Variants in CFAP54 observed in about 807,000 individuals in gnomAD.
CFAP54 encodes the protein cilia and flagella associated protein 54.
CFAP54 carries 290 observed loss-of-function variants against 370.4 expected under a neutral mutation model. The observed-to-expected ratio is 0.78, with a 90% confidence interval of 0.71 to 0.86. The LOEUF is 0.86. Among genes scored for constraint, CFAP54 ranks in the 40% least tolerant of loss-of-function variants. The pLI is 0.00. For missense variants in CFAP54, 3,399 were observed against 3,528.7 expected (o/e 0.96, Z 0.93); for synonymous variants, 1,206 against 1,236.5 (o/e 0.98, Z 0.52).
chr12:96,668,224 C>T (rs1029228259), intron 39 of CFAP54, among the ~76,000 whole-genome samples: 1 of 152,214 alleles, frequency 6.6e-6, no homozygotes, highest in Non-Finnish European at 1.5e-5. Flanking sequence ...ACTGTTCCAA[C>T]CTCTGCCTGT....
At chr12:96,835,864 C>A (rs1959184570) in intron 66 of CFAP54, among the ~76,000 whole-genome samples, 2 of 152,178 alleles carry the variant, frequency 1.3e-5, no homozygotes, top group Non-Finnish European at 2.9e-5. Flanking sequence ...CTTCCTGCTG[C>A]AGCTGGTGTG....
intron 66 of CFAP54, among the ~76,000 whole-genome samples, chr12:96,838,301 G>GAA (rs200634400): frequency 6.9e-6 from 1 of 144,012 alleles, no homozygotes; most frequent in Non-Finnish European, 1.5e-5. Flanking sequence ...AGAGAAGTTA[G>GAA]AAAAAAAAAA....
At chr12:96,646,700 G>C (rs1956796642) in intron 33 of CFAP54, 1 of 152,180 alleles carries the variant, frequency 6.6e-6, no homozygotes, top group Non-Finnish European at 1.5e-5. Context: ...TTGGAACCAA[G>C]CCAAGTGTCC....
chr12:96,775,926 A>G (rs1755336453), intron 60 of CFAP54, among the ~76,000 whole-genome samples: 2 of 152,202 alleles, frequency 1.3e-5, no homozygotes, highest in African/African-American at 2.4e-5. Context: ...ATGCTTTTAC[A>G]TAGGGCATAG....
At chr12:96,674,305 A>C (rs1957178965) in intron 39 of CFAP54, among the ~76,000 whole-genome samples, 1 of 149,736 alleles carries the variant, frequency 6.7e-6, no homozygotes, top group Admixed American at 6.6e-5. Flanking sequence ...TTTCATTTCT[A>C]GAGTGGTACA....
intron 4 of CFAP54, among the ~76,000 whole-genome samples, chr12:96,510,318 T>C (rs1302787407): frequency 6.6e-6 from 1 of 151,914 alleles, no homozygotes; most frequent in Non-Finnish European, 1.5e-5. Context: ...TCATAAAGAT[T>C]CAGTCTGTGT....
In CFAP54 at chr12:96,742,440, T is replaced by C. The variant is rs7978894; in HGVS notation, c.7073T>C (p.Val2358Ala). 0.31 allele frequency: 486,343 copies of C among 1,548,950 alleles called. 80,961 individuals carry two copies. Among genetic ancestry groups the C allele is most frequent in the East Asian group, 0.6 (26,405 of 44,344 alleles). ...TENPVSPGTS[V>A]TENKDDSEFL... ...AACCATCATTTTAATATTGTTTAGG[T>C]CACTGAAAATAAAGATGACAGTGAG... is the stretch of plus-strand genomic sequence containing the variant. The change falls in exon 52 of 68, where the codon GTC becomes GCC. Residue 2358 changes from valine (V) to alanine (A), a missense_variant and splice_region_variant. By Grantham distance (64) the Val-to-Ala change is moderately conservative. Around this residue, in one of 3 missense-constraint regions of CFAP54, gnomAD observed 2,796 missense variants for 2,869.7 expected, o/e 0.97. Coordinates refer to ENST00000524981, the MANE Select transcript of CFAP54 (RefSeq NM_001306084.2).
intron 19 of CFAP54, among the ~76,000 whole-genome samples, chr12:96,568,302 A>T (rs1955882031): frequency 6.6e-6 from 1 of 152,114 alleles, no homozygotes; most frequent in South Asian, 2.1e-4. Context: ...TCCAGAAAAA[A>T]TTATGAGTAT....
chr12:96,698,926 AGAATCTTCTTGGGTCCAAATATTCCCTG>A (rs1957463224), intron 45 of CFAP54, among the ~76,000 whole-genome samples: 1 of 152,204 alleles, frequency 6.6e-6, no homozygotes, highest in African/African-American at 2.4e-5. Flanking sequence ...GTCTGGATAC[AGAATCTTCTTGGGTCCAAATATTCCCTG>A]GAATCTTCTT....
In CFAP54 at chr12:96,503,901, C is replaced by T. The variant is rs1185536313; in HGVS notation, c.439C>T (p.Leu147Phe). 5 of 1,489,378 alleles carry T rather than the reference C, an allele frequency of 3.4e-6. No homozygotes were observed. The highest frequency in any genetic ancestry group is 1.3e-5 in the South Asian group (1 of 75,248). The allele number at this position is 1,489,378 out of a possible 1,614,324, so 92.3% of individuals were successfully genotyped here. Residue 147 changes from leucine to phenylalanine, a missense_variant, in exon 3 of 68, where the codon CTT (leucine) becomes TTT (phenylalanine). Leu to Phe is a conservative substitution (Grantham distance 22). Around this residue, in one of 3 missense-constraint regions of CFAP54, gnomAD observed 559 missense variants for 576.7 expected, o/e 0.97. Transcript: ENST00000524981. The stretch of plus-strand genomic sequence containing the variant: ...TTTGTTTCAGGAATACAAACTGGCC[C>T]TTTTACAATGCTATGGAAGATATCT... ...LCQMKEYKLALLQCYGRYLQQ... is the reference protein window; with the variant it reads ...LCQMKEYKLAFLQCYGRYLQQ...
intron 26 of CFAP54, 94 bp from the exon 27 acceptor site, chr12:96,621,496 C>T: frequency 2.2e-6 from 2 of 907,336 alleles, no homozygotes; most frequent in East Asian, 5.9e-5. Flanking sequence ...ACTGAAAACT[C>T]TATGGGGCTT....
At chr12:96,512,301 T>TATA (rs1955178631) in intron 4 of CFAP54, among the ~76,000 whole-genome samples, 29 of 31,132 alleles carry the variant, frequency 9.3e-4, no homozygotes, top group East Asian at 4.0e-3. Flanking sequence ...GGAACCAATT[T>TATA]TATATATATA....
chr12:96,868,788 C>A (rs1473199317), intron 67 of CFAP54, among the ~76,000 whole-genome samples: 1 of 152,066 alleles, frequency 6.6e-6, no homozygotes, highest in Admixed American at 6.6e-5. Flanking sequence ...TCATCCTTTG[C>A]ATTCACTGGG....
Position 96,580,156 on chromosome 12 carries a change from G to C in CFAP54, c.2797-441G>C, listed in dbSNP as rs376359482. ...ATCATGTAAAATATGAAAATCACTT[G>C]AGTGTTAATCTTTTTTTTTACATCA... is the stretch of plus-strand genomic sequence containing the variant. On this transcript the variant is annotated intron_variant, in intron 20 of 67. Transcript: ENST00000524981. Among the ~76,000 whole-genome samples, 16 of 151,232 alleles carry C rather than the reference G, an allele frequency of 1.1e-4. No homozygotes were observed. In the South Asian group the frequency reaches 1.7e-3, roughly 16 times the overall value.
intron 39 of CFAP54, among the ~76,000 whole-genome samples, chr12:96,669,578 C>A (rs1360152408): frequency 6.6e-6 from 1 of 152,058 alleles, no homozygotes; most frequent in Admixed American, 6.6e-5. Flanking sequence ...CTGGAGGTGG[C>A]GGATGGGTGA....
In CFAP54 at chr12:96,706,466, T is replaced by G. The variant is rs533040097; in HGVS notation, c.6528+1670T>G. On this transcript the variant is annotated intron_variant, in intron 47 of 67. Transcript: ENST00000524981. ...AAGTGAAAAGGCCCTGAGACAAGAT[T>G]GCCTAGCTTGGCGAGGGACATCCAA... Among the ~76,000 whole-genome samples the G allele has an allele frequency of 2.6e-5, 4 of 152,246 alleles. No homozygotes were observed. In the South Asian group the frequency reaches 8.3e-4, roughly 32 times the overall value.
rs1280627341 is a variant in CFAP54 at position 96,580,609 on chromosome 12, T to C, written c.2809T>C (p.Cys937Arg). The change falls in exon 21 of 68, where the codon TGC (cysteine) becomes CGC (arginine). Residue 937 changes from cysteine (C) to arginine (R), a missense_variant. Physicochemically the swap from Cys to Arg is radical, Grantham distance 180. Around this residue, in one of 3 missense-constraint regions of CFAP54, gnomAD observed 2,796 missense variants for 2,869.7 expected, o/e 0.97. Transcript: ENST00000524981. ...TTCTCGTCGGCAGGTCTCCTGGTACTGCATTTTGGGTTGCAAAGCAGAAGG... is the reference window on the plus strand; with the variant it reads ...TTCTCGTCGGCAGGTCTCCTGGTACCGCATTTTGGGTTGCAAAGCAGAAGG... ...FTSEVKVSWY[C>R]ILGCKAEGSY... is the part of the protein sequence containing the mutation. The C allele has an allele frequency of 6.6e-7, 1 of 1,520,180 alleles. No homozygotes were observed. The highest frequency in any genetic ancestry group is 1.2e-5 in the South Asian group (1 of 80,866). 94.2% of individuals were successfully genotyped at this position (1,520,180 alleles called of 1,614,324 possible).
intron 33 of CFAP54, chr12:96,645,919 C>G (rs1485632845): frequency 1.3e-5 from 2 of 152,170 alleles, no homozygotes; most frequent in African/African-American, 2.4e-5. Flanking sequence ...GAAACTGGAT[C>G]CCTTCCTTAC....
chr12:96,635,523 C>G (rs1205095779), intron 32 of CFAP54, among the ~76,000 whole-genome samples: 1 of 152,162 alleles, frequency 6.6e-6, no homozygotes, highest in Non-Finnish European at 1.5e-5. Context: ...TGGAATTTCT[C>G]CTTAGGATAA....
Sources: allele counts gnomAD v4.1 joint callset (sites outside exome capture counted in the v4.1 genomes callset), GRCh38; gene constraint gnomAD v4.1.1; regional missense constraint gnomAD v4.1.1; transcripts MANE v1.5; gene names NCBI Gene and HGNC (gene_info 2026-07-23, HGNC 2026-07-21).